Variants in ARHGAP26 observed in about 807,000 individuals in gnomAD.
ARHGAP26 encodes Rho GTPase activating protein 26, also known as rho GTPase-activating protein 26.
Under a neutral mutation model 104.8 loss-of-function variants are expected in ARHGAP26, and 38 were observed. That is an observed-to-expected ratio of 0.36 (90% CI 0.28 to 0.48). The LOEUF is 0.48. Among genes scored for constraint, ARHGAP26 ranks in the 20% least tolerant of loss-of-function variants. The pLI is 0.99. For synonymous variants in ARHGAP26, 341 were observed against 340.0 expected (o/e 1.00, Z -0.03); for missense variants, 704 against 947.9 (o/e 0.74, Z 3.38).
At chr5:143,119,870 C>T (rs549932250) in intron 17 of ARHGAP26, among the ~76,000 whole-genome samples, 1 of 150,510 alleles carries the variant, frequency 6.6e-6, no homozygotes, top group South Asian at 2.1e-4. Context: ...GCGCTTAAGG[C>T]AGTATAATCT....
At chr5:143,048,400 A>G (rs1207581696) in intron 14 of ARHGAP26, among the ~76,000 whole-genome samples, 1 of 151,632 alleles carries the variant, frequency 6.6e-6, no homozygotes. Context: ...AGTTGGGACT[A>G]CAGGTGTGCA....
intron 12 of ARHGAP26, among the ~76,000 whole-genome samples, chr5:143,017,980 A>T (rs941089018): frequency 2.0e-5 from 3 of 152,098 alleles, no homozygotes; most frequent in African/African-American, 7.2e-5. Context: ...CTACATGCAA[A>T]TTTCTCCATT....
In ARHGAP26 at chr5:143,115,420, A is replaced by AT. The variant is rs796898822; in HGVS notation, c.1539-5558dup. On this transcript the variant is annotated intron_variant, in intron 17 of 22. Transcript: ENST00000645722. ...TTTCTATAGATTCAAAGTATTTCAT[A>AT]TTTTTTTTTTACACCAAAGAATGAA... Among the ~76,000 whole-genome samples the AT allele has an allele frequency of 2.7e-3, 405 of 149,022 alleles. 3 individuals carry two copies. The highest frequency in any genetic ancestry group is 0.01 in the Middle Eastern group (3 of 292).
rs190133523 is a variant in ARHGAP26, at chr5:143,199,491, G to A, written c.1989-7707G>A. Among the ~76,000 whole-genome samples the A allele has an allele frequency of 3.1e-3, 470 of 152,268 alleles. 1 individual carries two copies. Among genetic ancestry groups the A allele is most frequent in the African/African-American group, 0.01 (436 of 41,542 alleles). On this transcript the variant is annotated intron_variant, in intron 20 of 22. Coordinates refer to ENST00000645722, the MANE Select transcript of ARHGAP26 (RefSeq NM_001135608.3). ...AAGCCAGAAAGGGATATTTTCCAAG[G>A]AAGAAGAATTCAATGAAATGGGATT...
chr5:142,901,178 A>C (rs1464878313), intron 6 of ARHGAP26, among the ~76,000 whole-genome samples: 1 of 148,776 alleles, frequency 6.7e-6, no homozygotes, highest in Non-Finnish European at 1.5e-5. Flanking sequence ...GGACATTAAT[A>C]GTTTTTAAGT....
At chr5:143,022,161 T>G (rs1047468036) in intron 12 of ARHGAP26, among the ~76,000 whole-genome samples, 1 of 152,196 alleles carries the variant, frequency 6.6e-6, no homozygotes, top group Non-Finnish European at 1.5e-5. Flanking sequence ...AACCTCCGCC[T>G]CCTGGGCTCA....
At chr5:142,784,376 G>C (rs1267002360) in intron 1 of ARHGAP26, among the ~76,000 whole-genome samples, 1 of 152,124 alleles carries the variant, frequency 6.6e-6, no homozygotes, top group Non-Finnish European at 1.5e-5. Flanking sequence ...CATACTGCAA[G>C]GAAAAGACAC....
In ARHGAP26 at chr5:143,147,505, C is replaced by T; in HGVS notation, c.1988+124C>T. The T allele has an allele frequency of 4.3e-6, 5 of 1,172,324 alleles. 1 individual carries two copies. 72.6% of individuals were successfully genotyped at this position (1,172,324 alleles called of 1,614,324 possible). On this transcript the variant is annotated intron_variant, in intron 20 of 22. Transcript: ENST00000645722. ...CCTGAACATTATTTAAACCTCCTCC[C>T]TAAACTGGGAGCTCAGCTGGCTTGT... is the stretch of plus-strand genomic sequence containing the variant.
At chr5:142,907,996 A>G (rs1448808049) in intron 9 of ARHGAP26, among the ~76,000 whole-genome samples, 192 bp downstream of exon 9, 1 of 152,186 alleles carries the variant, frequency 6.6e-6, no homozygotes, top group African/African-American at 2.4e-5. Flanking sequence ...TAAGATGATT[A>G]CTCTTAGCTC....
At chr5:143,159,312 A>C (rs1800906883) in intron 20 of ARHGAP26, among the ~76,000 whole-genome samples, 1 of 152,212 alleles carries the variant, frequency 6.6e-6, no homozygotes, top group African/African-American at 2.4e-5. Context: ...CAGAGAAGAG[A>C]TCAGGGTAAA....
At chr5:143,135,823 G>A (rs945972080) in intron 19 of ARHGAP26, among the ~76,000 whole-genome samples, 1 of 152,184 alleles carries the variant, frequency 6.6e-6, no homozygotes, top group African/African-American at 2.4e-5. Flanking sequence ...ACCCTGTCCT[G>A]GGATTGGCTT....
chr5:142,963,196 A>ATGTGTGTGTGTGTGTGTG (rs1381593823), intron 11 of ARHGAP26, among the ~76,000 whole-genome samples: 1 of 100,750 alleles, frequency 9.9e-6, no homozygotes, highest in Non-Finnish European at 1.7e-5. Context: ...ATATATATAT[A>ATGTGTGTGTGTGTGTGTG]TATGTGTGTG....
Position 143,061,198 on chromosome 5 carries a change from C to G in ARHGAP26, c.1538+3451C>G, listed in dbSNP as rs564328840. On this transcript the variant is annotated intron_variant, in intron 17 of 22. Transcript: ENST00000645722. ...ACCTCTTTGAGCCTCAGTTTTCTTT[C>G]TCTTCCAATTGTATAATTCTGTTAT... Among the ~76,000 whole-genome samples, 5 of 152,318 alleles carry G rather than the reference C, an allele frequency of 3.3e-5. No homozygotes were observed. The East Asian group carries it at 9.6e-4, about 29-fold the overall frequency.
intron 1 of ARHGAP26, among the ~76,000 whole-genome samples, chr5:142,862,733 T>C (rs1445987738): frequency 6.6e-6 from 1 of 152,182 alleles, no homozygotes; most frequent in Non-Finnish European, 1.5e-5. Flanking sequence ...CTGAATTCCA[T>C]TTATTGGCAA....
intron 1 of ARHGAP26, among the ~76,000 whole-genome samples, chr5:142,870,643 A>G (rs953643815): frequency 1.2e-4 from 19 of 152,216 alleles, no homozygotes; most frequent in African/African-American, 4.6e-4. Flanking sequence ...CCTAGAACTG[A>G]GTCTTGTGAT....
At chr5:142,969,867 C>G (rs1201657857) in intron 11 of ARHGAP26, among the ~76,000 whole-genome samples, 1 of 152,132 alleles carries the variant, frequency 6.6e-6, no homozygotes, top group Non-Finnish European at 1.5e-5. Flanking sequence ...TCTCTTTGCT[C>G]TTTTCCTGTG....
At chr5:142,843,629 T>G (rs184584982) in intron 1 of ARHGAP26, among the ~76,000 whole-genome samples, 1 of 152,330 alleles carries the variant, frequency 6.6e-6, no homozygotes, top group Non-Finnish European at 1.5e-5. Context: ...TACACTTCCT[T>G]ATGGCGTGTT....
rs938056614 is a variant in ARHGAP26, at chr5:142,853,452, A to G, written c.155-19948A>G. 6.6e-5 allele frequency among the ~76,000 whole-genome samples: 10 copies of G among 152,228 alleles called. No individual in the cohort carries two copies. The East Asian group carries it at 1.7e-3, about 26-fold the overall frequency. ...GTGATCCACCTGCCTTGGCCTCCCA[A>G]CGTGCTAGGATTATAGACGTGAGCC... On this transcript the variant is annotated intron_variant, in intron 1 of 22. Coordinates refer to ENST00000645722, the MANE Select transcript of ARHGAP26 (RefSeq NM_001135608.3).
At chr5:142,797,872 C>T (rs1761304547) in intron 1 of ARHGAP26, among the ~76,000 whole-genome samples, 1 of 152,166 alleles carries the variant, frequency 6.6e-6, no homozygotes, top group South Asian at 2.1e-4. Context: ...TGTTAAAATG[C>T]AGGTTCTGAG....
Sources: allele counts gnomAD v4.1 joint callset (sites outside exome capture counted in the v4.1 genomes callset), GRCh38; gene constraint gnomAD v4.1.1; transcripts MANE v1.5; gene names NCBI Gene and HGNC (gene_info 2026-07-23, HGNC 2026-07-21).